The following RBFOX1 variants were observed in gnomAD, a reference collection of about 807,000 sequenced individuals.
The protein encoded by RBFOX1 is RNA binding fox-1 homolog 1, also known as RNA binding protein fox-1 homolog 1.
A neutral mutation model predicts 57.7 loss-of-function variants in RBFOX1; 8 were observed. The observed-to-expected ratio is 0.14, with a 90% confidence interval of 0.08 to 0.25. The LOEUF (loss-of-function observed/expected upper bound fraction) is 0.25, where lower values mean the gene tolerates loss of function less well. Ranked by LOEUF, RBFOX1 falls within the 10% of genes least tolerant of loss-of-function variation. The pLI is 1.00. For missense variants in RBFOX1, 611 were observed against 548.5 expected, an observed-to-expected ratio of 1.11 and a Z score of -1.14; for synonymous variants, 326 against 222.4, an observed-to-expected ratio of 1.47 and a Z score of -4.15.
chr16:5,938,648 A>G (rs989825284), intron 4 of RBFOX1, among the ~76,000 whole-genome samples: 1 of 152,110 alleles, frequency 6.6e-6, no homozygotes, highest in Non-Finnish European at 1.5e-5. Flanking sequence ...CTGACTTTGC[A>G]ATTTTACACC....
intron 2 of RBFOX1, among the ~76,000 whole-genome samples, chr16:6,536,182 T>C (rs917216474): frequency 2.6e-5 from 4 of 152,232 alleles, no homozygotes; most frequent in Non-Finnish European, 5.9e-5. Flanking sequence ...AGTCTACCTC[T>C]TGTATAAATG....
chr16:5,420,818 G>A (rs1324279308), intron 1 of RBFOX1, among the ~76,000 whole-genome samples: 1 of 151,686 alleles, frequency 6.6e-6, no homozygotes, highest in South Asian at 2.1e-4. Context: ...TTCCAGGCAT[G>A]AGCCACCATG....
chr16:6,247,727 CT>C (rs570320449), intron 1 of RBFOX1, among the ~76,000 whole-genome samples: 6 of 152,314 alleles, frequency 3.9e-5, no homozygotes, highest in Non-Finnish European at 7.3e-5. Flanking sequence ...AGGATTCAAA[CT>C]CAGATCCTAG....
rs150459560 is a variant in RBFOX1, at chr16:6,126,898, G to C, written c.-127+106906G>C. Reference sequence around the variant, plus strand: ...AAGCCAGCTTACAAAGAAGCAAACAGCTCAGAAACAGGTTATGCCTTATGC... The same window carrying C: ...AAGCCAGCTTACAAAGAAGCAAACACCTCAGAAACAGGTTATGCCTTATGC... On this transcript the variant is annotated intron_variant, in intron 1 of 15. Transcript: ENST00000550418. Among the ~76,000 whole-genome samples, 394 of 152,284 alleles carry C rather than the reference G, an allele frequency of 2.6e-3. 1 individual carries two copies. Among genetic ancestry groups the C allele is most frequent in the African/African-American group, 9.0e-3 (375 of 41,572 alleles).
rs781239819 is a variant in RBFOX1, at chr16:7,051,982, A to G, written c.-15-75A>G. ...TTCTTTGAGCTGAGTAATTAAAAGTAACTTTCTGTTTTCTTTCATGTTTTT... is the reference window on the plus strand; with the variant it reads ...TTCTTTGAGCTGAGTAATTAAAAGTGACTTTCTGTTTTCTTTCATGTTTTT... On this transcript the variant is annotated intron_variant, in intron 3 of 15. Transcript: ENST00000550418. The G allele has an allele frequency of 4.5e-6, 7 of 1,562,590 alleles. No homozygotes were observed. The Admixed American group carries it at 5.8e-5, about 13-fold the overall frequency.
At chr16:6,831,217 C>T (rs897884072) in intron 3 of RBFOX1, among the ~76,000 whole-genome samples, 1 of 152,190 alleles carries the variant, frequency 6.6e-6, no homozygotes, top group African/African-American at 2.4e-5. Flanking sequence ...CTTAGTCTTA[C>T]CTTAAACCTT....
intron 4 of RBFOX1, among the ~76,000 whole-genome samples, chr16:7,382,392 A>T (rs181241154): frequency 4.6e-5 from 7 of 152,340 alleles, no homozygotes; most frequent in Non-Finnish European, 7.3e-5. Flanking sequence ...TATTTTTCAT[A>T]TCTTTTCTAG....
chr16:6,889,715 A>G (rs182883139), intron 3 of RBFOX1, among the ~76,000 whole-genome samples: 5 of 152,244 alleles, frequency 3.3e-5, no homozygotes, highest in African/African-American at 1.2e-4. Context: ...GAAGAGCTAT[A>G]TTGAAATTGG....
intron 3 of RBFOX1, among the ~76,000 whole-genome samples, chr16:7,027,051 G>A (rs1423295383): frequency 6.6e-6 from 1 of 152,098 alleles, no homozygotes; most frequent in South Asian, 2.1e-4. Flanking sequence ...CTGAACAATA[G>A]GACCCTTGCT....
chr16:7,019,210 A>G (rs1474908253), intron 3 of RBFOX1, among the ~76,000 whole-genome samples: 2 of 152,076 alleles, frequency 1.3e-5, no homozygotes, highest in African/African-American at 4.8e-5. Flanking sequence ...AAATTATATA[A>G]TATTAGGTGG....
chr16:7,212,794 A>C (rs144459658), intron 4 of RBFOX1, among the ~76,000 whole-genome samples: 4 of 152,336 alleles, frequency 2.6e-5, no homozygotes, highest in African/African-American at 4.8e-5. Flanking sequence ...CTATGTAACA[A>C]ACCTGCATGT....
chr16:5,498,183 C>A (rs994260593), intron 2 of RBFOX1, among the ~76,000 whole-genome samples: 1 of 152,120 alleles, frequency 6.6e-6, no homozygotes, highest in Non-Finnish European at 1.5e-5. Flanking sequence ...GCTCTTGTTG[C>A]CCAGGCTGGA....
intron 5 of RBFOX1, among the ~76,000 whole-genome samples, chr16:7,545,470 C>A (rs1394909941): frequency 6.6e-6 from 1 of 152,126 alleles, no homozygotes; most frequent in East Asian, 1.9e-4. Context: ...AAAACCCCAG[C>A]CCTGGCACCC....
intron 1 of RBFOX1, among the ~76,000 whole-genome samples, chr16:5,395,103 C>T (rs1186335217): frequency 2.0e-5 from 3 of 152,190 alleles, no homozygotes; most frequent in African/African-American, 7.2e-5. Context: ...AAGCATGGTT[C>T]GTTTTCTTTA....
chr16:7,328,113 T>G (rs2096635703), intron 4 of RBFOX1, among the ~76,000 whole-genome samples: 1 of 152,164 alleles, frequency 6.6e-6, no homozygotes, highest in African/African-American at 2.4e-5. Flanking sequence ...CAAGTGATCC[T>G]GCTGCCTCAG....
chr16:7,025,379 T>C (rs1394262800), intron 3 of RBFOX1, among the ~76,000 whole-genome samples: 1 of 152,092 alleles, frequency 6.6e-6, no homozygotes. Flanking sequence ...CTGCAAACTG[T>C]TTTTATCAGC....
At chr16:6,134,988 G>A (rs747518695) in intron 1 of RBFOX1, among the ~76,000 whole-genome samples, 13 of 151,990 alleles carry the variant, frequency 8.6e-5, no homozygotes, top group Admixed American at 6.6e-5. Flanking sequence ...ACTGCTGTCC[G>A]TCCCCCCTCC....
At chr16:6,814,268 T>C (rs1396072567) in intron 3 of RBFOX1, among the ~76,000 whole-genome samples, 1 of 149,924 alleles carries the variant, frequency 6.7e-6, no homozygotes, top group Non-Finnish European at 1.5e-5. Flanking sequence ...AGGGAGGAGG[T>C]CTAAGAGAGT....
intron 1 of RBFOX1, among the ~76,000 whole-genome samples, chr16:6,068,348 A>C (rs2095793803): frequency 6.6e-6 from 1 of 152,194 alleles, no homozygotes; most frequent in African/African-American, 2.4e-5. Flanking sequence ...CTGACTGAGT[A>C]GTTAAGGTAA....
Sources: gnomAD v4.1 joint callset for allele counts (sites outside exome capture counted in the v4.1 genomes callset) on GRCh38, gnomAD v4.1.1 for gene constraint, MANE v1.5 for transcripts, NCBI Gene and HGNC (gene_info 2026-07-23, HGNC 2026-07-21) for gene names.